MTHFD1: variants seen among roughly 807,000 people sequenced by gnomAD.
MTHFD1 encodes the protein C-1-tetrahydrofolate synthase, cytoplasmic.
Under a neutral mutation model 110.3 loss-of-function variants are expected in MTHFD1, and 44 were observed. The observed-to-expected ratio is 0.40, with a 90% CI of 0.31 to 0.51. The LOEUF is 0.51. MTHFD1 is among the 20% of genes least tolerant of loss of function. MTHFD1 has a pLI of 0.60. For synonymous variants in MTHFD1, 402 were observed against 428.8 expected (o/e 0.94, Z 0.77); for missense variants, 909 against 1,173.1 (o/e 0.77, Z 3.29).
Position 64,412,379 on chromosome 14 carries a change from C to T in MTHFD1, c.187-93C>T, listed in dbSNP as rs918931615. ...CATATAAGGGTGAAATGATGACCAA[C>T]ACCTCCTTGCTTGTTAGTCATGTCT... On this transcript the variant is annotated intron_variant, in intron 3 of 27. Coordinates refer to ENST00000652337, the MANE Select transcript of MTHFD1 (RefSeq NM_005956.4). 13 of 924,374 alleles carry T rather than the reference C, an allele frequency of 1.4e-5. No individual in the cohort carries two copies. In the South Asian group the frequency reaches 1.4e-4, roughly 10 times the overall value. 57.3% of individuals were successfully genotyped at this position (924,374 alleles called of 1,614,324 possible). A position where few individuals can be genotyped will look rare whatever the true frequency, so the allele number is the denominator to read the frequency against.
intron 4 of MTHFD1, among the ~76,000 whole-genome samples, chr14:64,413,788 A>G (rs2078003971): frequency 6.6e-6 from 1 of 152,122 alleles, no homozygotes; most frequent in African/African-American, 2.4e-5. Flanking sequence ...CATGGGTATT[A>G]TTGCTGTAAT....
chr14:64,444,634 AT>A, intron 21 of MTHFD1, 58 bp from the exon 22 acceptor site: 2 of 1,599,052 alleles, frequency 1.3e-6, no homozygotes, highest in Non-Finnish European at 1.7e-6. Context: ...GAAAAGCACC[AT>A]TTTAAGCTAG....
chr14:64,405,561 G>A (rs2077929876), intron 2 of MTHFD1, among the ~76,000 whole-genome samples: 2 of 152,182 alleles, frequency 1.3e-5, no homozygotes, highest in African/African-American at 2.4e-5. Flanking sequence ...AGAAGCCTGA[G>A]GCCGTCTCCT....
At chr14:64,398,921 T>C (rs1209335427) in intron 1 of MTHFD1, among the ~76,000 whole-genome samples, 1 of 152,218 alleles carries the variant, frequency 6.6e-6, no homozygotes, top group Non-Finnish European at 1.5e-5. Context: ...TGTTGAGAAG[T>C]TGTATGTTGG....
Position 64,453,786 on chromosome 14 carries a change from A to C in MTHFD1, c.2490A>C (p.Ala830=), listed in dbSNP as rs1267155615. ...LPVEDKIRII[A]QKIYGADDIE... Reference sequence around the variant, plus strand: ...TTGAGGATAAAATCAGGATCATTGCACAGAAGATCTATGGAGCAGATGACA... The same window carrying C: ...TTGAGGATAAAATCAGGATCATTGCCCAGAAGATCTATGGAGCAGATGACA... Residue 830 remains alanine, a synonymous_variant, in exon 25 of 28, where the codon GCA becomes GCC. Transcript: ENST00000652337. 1 of 1,612,706 alleles carries C rather than the reference A, an allele frequency of 6.2e-7. No individual in the cohort carries two copies. The highest frequency in any genetic ancestry group is 2.2e-5 in the East Asian group (1 of 44,866).
In MTHFD1 at chr14:64,415,418, C is replaced by T. The variant is rs374621560; in HGVS notation, c.301C>T (p.Leu101=). ...TACTGTACATGGGTTCTTAGTGCAG[C>T]TACCTTTAGATTCAGAGAATTCCAT... ...DSTVHGFLVQ[L]PLDSENSINT... Residue 101 remains leucine (L), a synonymous_variant, in exon 5 of 28, where the codon CTA becomes TTA. Coordinates refer to ENST00000652337, the MANE Select transcript of MTHFD1 (RefSeq NM_005956.4). 13 of 1,613,230 alleles carry T rather than the reference C, an allele frequency of 8.1e-6. No individual in the cohort carries two copies. The African/African-American group carries it at 1.7e-4, about 22-fold the overall frequency.
Position 64,419,432 on chromosome 14 carries a change from G to T in MTHFD1, c.616-382G>T, listed in dbSNP as rs1459408703. On this transcript the variant is annotated intron_variant, in intron 7 of 27. Transcript: ENST00000652337. ...TCTTAAATGTGGGGAGAGAGCAGGA[G>T]AGAGGCCTAGTACTTTCTCTTTTAA... 2.0e-5 allele frequency among the ~76,000 whole-genome samples: 3 copies of T among 152,228 alleles called. No individual in the cohort carries two copies. The South Asian group carries it at 6.2e-4, about 32-fold the overall frequency.
intron 15 of MTHFD1, among the ~76,000 whole-genome samples, chr14:64,433,370 T>C (rs569347867): frequency 1.3e-5 from 2 of 152,042 alleles, no homozygotes; most frequent in South Asian, 4.2e-4. Flanking sequence ...CCACCCGCCT[T>C]GGCCTCTCAA....
intron 22 of MTHFD1, among the ~76,000 whole-genome samples, chr14:64,446,821 C>T (rs2078292796): frequency 1.3e-5 from 2 of 152,120 alleles, no homozygotes; most frequent in Admixed American, 6.5e-5. Context: ...GGATTACAGG[C>T]ATGAGCCACC....
At chr14:64,434,078 A>G (rs570697893) in intron 15 of MTHFD1, among the ~76,000 whole-genome samples, 2 of 152,258 alleles carry the variant, frequency 1.3e-5, no homozygotes, top group African/African-American at 4.8e-5. Context: ...CTATGATACT[A>G]TGATTATTTA....
intron 15 of MTHFD1, 32 bp downstream of exon 15, chr14:64,431,893 T>G: frequency 6.3e-7 from 1 of 1,578,580 alleles, no homozygotes; most frequent in African/African-American, 1.3e-5. Context: ...TTTTTTATAT[T>G]GTATGGAATC....
Position 64,440,260 on chromosome 14 carries a change from A to G in MTHFD1, c.1809A>G (p.Glu603=), listed in dbSNP as rs1156941142. The G allele has an allele frequency of 6.8e-6, 11 of 1,614,222 alleles. No homozygotes were observed. Among genetic ancestry groups the G allele is most frequent in the Non-Finnish European group, 8.5e-6 (10 of 1,180,040 alleles). The change falls in exon 18 of 28, where the codon GAA becomes GAG. Residue 603 remains glutamate, a synonymous_variant. Coordinates refer to ENST00000652337, the MANE Select transcript of MTHFD1 (RefSeq NM_005956.4). Reference sequence around the variant, plus strand: ...AGAAAGGAGAGCCCGTCAGTGCCGAAGATCTGGTGGGTACCCAGACACGCC... The same window carrying G: ...AGAAAGGAGAGCCCGTCAGTGCCGAGGATCTGGTGGGTACCCAGACACGCC... The part of the protein sequence containing the change: ...SSKKGEPVSA[E]DLGVSGALTV...
rs577555809 is a variant in MTHFD1, at chr14:64,425,794, A to G, written c.920A>G (p.Tyr307Cys). The G allele has an allele frequency of 4.5e-4, 727 of 1,613,984 alleles. 7 individuals carry two copies. The South Asian group carries it at 7.6e-3, about 17-fold the overall frequency. Reference protein sequence around the residue: ...KFKPGKWMIQYNNLNLKTPVP... With the variant: ...KFKPGKWMIQCNNLNLKTPVP... Reference sequence around the variant, plus strand: ...AAGCCAGGAAAGTGGATGATTCAGTATAACAACCTTAACCTCAAGACACCT... The same window carrying G: ...AAGCCAGGAAAGTGGATGATTCAGTGTAACAACCTTAACCTCAAGACACCT... Residue 307 changes from tyrosine (Y) to cysteine (C), a missense_variant, in exon 10 of 28, where the codon TAT becomes TGT. Physicochemically the swap from Tyr to Cys is radical, Grantham distance 194. Around this residue, in one of 3 missense-constraint regions of MTHFD1, gnomAD observed 424 missense variants for 510.4 expected, o/e 0.83. Coordinates refer to ENST00000652337, the MANE Select transcript of MTHFD1 (RefSeq NM_005956.4).
intron 27 of MTHFD1, among the ~76,000 whole-genome samples, chr14:64,459,154 C>T (rs1408804639): frequency 3.9e-5 from 6 of 152,146 alleles, no homozygotes; most frequent in Admixed American, 2.6e-4. Context: ...TATTTTCAGA[C>T]GTGCAAGGGT....
intron 24 of MTHFD1, 61 bp downstream of exon 24, chr14:64,449,683 G>A: frequency 5.1e-6 from 8 of 1,576,010 alleles, no homozygotes; most frequent in Admixed American, 3.5e-5. Context: ...TGAAGTTTCT[G>A]TGTGGCTACT....
At chr14:64,397,333 C>G (rs1281020307) in intron 1 of MTHFD1, among the ~76,000 whole-genome samples, 59 of 148,312 alleles carry the variant, frequency 4.0e-4, no homozygotes, top group African/African-American at 1.1e-3. Flanking sequence ...CAGTGGGTCG[C>G]CCAGGCTGGA....
chr14:64,416,209 C>T lies in MTHFD1; in HGVS notation c.478+470C>T, dbSNP rs140696632. 3.1e-3 allele frequency among the ~76,000 whole-genome samples: 474 copies of T among 152,274 alleles called. 2 individuals carry two copies. Among genetic ancestry groups the T allele is most frequent in the African/African-American group, 0.011 (453 of 41,558 alleles). Reference sequence around the variant, plus strand: ...GCAGTGAGCCGAGATCACCTGACTGCACTCCAGCCTGGGCAACAGAGCGAG... The same window carrying T: ...GCAGTGAGCCGAGATCACCTGACTGTACTCCAGCCTGGGCAACAGAGCGAG... On this transcript the variant is annotated intron_variant, in intron 6 of 27. Transcript: ENST00000652337.
rs755329255 is a variant in MTHFD1, at chr14:64,417,976, T to C, written c.567T>C (p.Asn189=). The C allele has an allele frequency of 2.4e-5, 39 of 1,613,842 alleles. No homozygotes were observed. The highest frequency in any genetic ancestry group is 2.8e-5 in the Non-Finnish European group (33 of 1,179,996). Residue 189 remains asparagine, a synonymous_variant, in exon 7 of 28, where the codon AAT becomes AAC. Coordinates refer to ENST00000652337, the MANE Select transcript of MTHFD1 (RefSeq NM_005956.4). The surrounding 1 kb of genome is among the most constrained non-coding windows in gnomAD (Gnocchi z 4.4). The part of the protein sequence containing the change: ...APMHDLLLWN[N]ATVTTCHSKT... ...TGCATGACTTGCTTCTGTGGAACAATGCCACAGTGACCACCTGCCACTCCA... is the reference window on the plus strand; with the variant it reads ...TGCATGACTTGCTTCTGTGGAACAACGCCACAGTGACCACCTGCCACTCCA...
rs981842739 is a variant in MTHFD1 at position 64,431,805 on chromosome 14, G to C, written c.1438G>C (p.Val480Leu). The C allele has an allele frequency of 6.2e-7, 1 of 1,614,156 alleles. No individual in the cohort carries two copies. The highest frequency in any genetic ancestry group is 2.2e-5 in the East Asian group (1 of 44,886). ...QTDKALFNRL[V>L]PSVNGVRRFS... ...CTTTAAGGCTCTCTTTAATCGTTTGGTGCCATCAGTAAATGGAGTGAGAAG... is the reference window on the plus strand; with the variant it reads ...CTTTAAGGCTCTCTTTAATCGTTTGCTGCCATCAGTAAATGGAGTGAGAAG... Residue 480 changes from valine (V) to leucine (L), a missense_variant, in exon 15 of 28, where the codon GTG becomes CTG. By Grantham distance (32) the Val-to-Leu change is conservative. Transcript: ENST00000652337.
Sources: gnomAD v4.1 joint callset for allele counts (sites outside exome capture counted in the v4.1 genomes callset) on GRCh38, gnomAD v4.1.1 for gene constraint, gnomAD v4.1.1 regional missense constraint, Gnocchi (gnomAD v3.1) non-coding constraint, MANE v1.5 for transcripts, NCBI Gene and HGNC (gene_info 2026-07-23, HGNC 2026-07-21) for gene names.